The following BOC variants were observed in gnomAD, a reference collection of about 807,000 sequenced individuals.
BOC encodes the protein brother of CDO.
In BOC, 76 loss-of-function variants were observed where a neutral mutation model predicts 112.0. The observed-to-expected ratio is 0.68, with a 90% CI of 0.56 to 0.82. The LOEUF (loss-of-function observed/expected upper bound fraction) is 0.82, where lower values mean the gene tolerates loss of function less well. Ranked by LOEUF, BOC falls within the 40% of genes least tolerant of loss-of-function variation. The probability of loss-of-function intolerance (pLI) is 0.00; values close to 1 mark genes in which losing one functional copy is unlikely to be tolerated. For missense variants in BOC, 1,309 were observed against 1,511.7 expected, an observed-to-expected ratio of 0.87 and a Z score of 2.22; for synonymous variants, 580 against 599.8, an observed-to-expected ratio of 0.97 and a Z score of 0.48.
intron 8 of BOC, 85 bp downstream of exon 8, chr3:113,273,426 A>G: frequency 2.2e-6 from 3 of 1,387,704 alleles, no homozygotes; most frequent in Non-Finnish European, 1.9e-6. Context: ...GAACCCCAGT[A>G]TATAAGATAG....
chr3:113,255,184 C>T (rs1576426916), intron 4 of BOC, among the ~76,000 whole-genome samples: 1 of 152,312 alleles, frequency 6.6e-6, no homozygotes, highest in African/African-American at 2.4e-5. Context: ...TTTTGAAATG[C>T]TTTTAACTTT....
chr3:113,277,056 C>T (rs929762053), intron 9 of BOC, among the ~76,000 whole-genome samples: 2 of 152,148 alleles, frequency 1.3e-5, no homozygotes, highest in Admixed American at 6.5e-5. Context: ...CTTTAAAGAG[C>T]TAGGAATTTG....
At chr3:113,223,950 A>T (rs965956531) in intron 2 of BOC, among the ~76,000 whole-genome samples, 8 of 152,218 alleles carry the variant, frequency 5.3e-5, no homozygotes, top group African/African-American at 1.9e-4. Flanking sequence ...CCAGGCTGGT[A>T]AACTGTCAGG....
chr3:113,228,851 C>G (rs961397798), intron 2 of BOC, among the ~76,000 whole-genome samples: 3 of 152,208 alleles, frequency 2.0e-5, no homozygotes, highest in African/African-American at 7.2e-5. Context: ...AGGGTGCCTC[C>G]AAGGCCCTGA....
chr3:113,283,738 C>A, intron 16 of BOC, 106 bp downstream of exon 16: 2 of 1,092,570 alleles, frequency 1.8e-6, no homozygotes, highest in Non-Finnish European at 2.6e-6. Context: ...AAGCCCAAGT[C>A]CCCCAAAGGT....
chr3:113,247,500 GAAAA>G (rs58781225), intron 2 of BOC, among the ~76,000 whole-genome samples: 14 of 125,800 alleles, frequency 1.1e-4, no homozygotes, highest in Non-Finnish European at 1.7e-4. Flanking sequence ...GCCCTGATAG[GAAAA>G]AAAAAAAAAA....
In BOC at chr3:113,263,879, GCTTT is replaced by G. The variant is rs1434874275; in HGVS notation, c.377-4417_377-4414del. On this transcript the variant is annotated intron_variant, in intron 4 of 19. Transcript: ENST00000682979. ...CTATGTACCTTTGACAGTCTAATTT[GCTTT>G]CTGTTTTTCCCATAGCCAAAAGGGT... Among the ~76,000 whole-genome samples the G allele has an allele frequency of 2.0e-5, 3 of 152,214 alleles. No homozygotes were observed. The East Asian group carries it at 5.8e-4, about 29-fold the overall frequency.
intron 2 of BOC, among the ~76,000 whole-genome samples, chr3:113,217,101 G>A (rs896574888): frequency 6.6e-6 from 1 of 152,184 alleles, no homozygotes; most frequent in Admixed American, 6.5e-5. Flanking sequence ...TCAGGTGTGG[G>A]CTGGCAGGAA....
intron 2 of BOC, among the ~76,000 whole-genome samples, chr3:113,238,617 T>C (rs970101246): frequency 3.9e-5 from 6 of 152,236 alleles, no homozygotes; most frequent in Non-Finnish European, 8.8e-5. Flanking sequence ...TGCCATAATT[T>C]ACAGAAAGCA....
chr3:113,286,424 G>A lies in BOC; in HGVS notation c.3161-251G>A, dbSNP rs567740480. ...GGCTGCACTGACTTCATCTGCTCCTGTGGTGTGGGCTCAGTGCGGGAGTCT... is the reference window on the plus strand; with the variant it reads ...GGCTGCACTGACTTCATCTGCTCCTATGGTGTGGGCTCAGTGCGGGAGTCT... On this transcript the variant is annotated intron_variant, in intron 19 of 19. Coordinates refer to ENST00000682979, the MANE Select transcript of BOC (RefSeq NM_001378074.1). Among the ~76,000 whole-genome samples the A allele has an allele frequency of 1.3e-5, 2 of 152,320 alleles. 1 individual carries two copies. Among genetic ancestry groups the A allele is most frequent in the East Asian group, 3.9e-4 (2 of 5,192 alleles).
intron 2 of BOC, among the ~76,000 whole-genome samples, chr3:113,233,523 C>T (rs78244931): frequency 5.8e-4 from 88 of 152,286 alleles, no homozygotes; most frequent in Admixed American, 5.9e-4. Context: ...AACAGCTCCT[C>T]GCTAGTCTAT....
At chr3:113,242,581 C>T (rs1944442096) in intron 2 of BOC, among the ~76,000 whole-genome samples, 1 of 151,972 alleles carries the variant, frequency 6.6e-6, no homozygotes, top group Admixed American at 6.6e-5. Flanking sequence ...TTCTGCTTGC[C>T]TTGATGGTGA....
chr3:113,251,993 C>T (rs116535783), intron 4 of BOC: 3 of 152,282 alleles, frequency 2.0e-5, no homozygotes, highest in Admixed American at 6.5e-5. Flanking sequence ...AGTAAACAGA[C>T]GTCCTACCTT....
chr3:113,267,564 G>A (rs950850385), intron 4 of BOC, among the ~76,000 whole-genome samples: 4 of 152,132 alleles, frequency 2.6e-5, no homozygotes, highest in African/African-American at 4.8e-5. Context: ...AACCCTTAGG[G>A]TATCCAGAGT....
rs369042607 is a variant in BOC at position 113,285,394 on chromosome 3, G to C, written c.2989G>C (p.Glu997Gln). The C allele has an allele frequency of 6.2e-6, 10 of 1,613,132 alleles. No homozygotes were observed. In the African/African-American group the frequency reaches 1.2e-4, roughly 19 times the overall value. ...CAGGGGTCCCAAGTCTAGCCCGGAC[G>C]AGGGCTCTTTCTTATACACACTGCC... Reference protein sequence around the residue: ...ITRGPKSSPDEGSFLYTLPDD... With the variant: ...ITRGPKSSPDQGSFLYTLPDD... The change falls in exon 19 of 20, where the codon GAG becomes CAG. Residue 997 changes from glutamate to glutamine, a missense_variant. By Grantham distance (29) the Glu-to-Gln change is conservative (BLOSUM62 2). Transcript: ENST00000682979.
At chr3:113,266,448 C>T (rs9872436) in intron 4 of BOC, among the ~76,000 whole-genome samples, 49 of 152,308 alleles carry the variant, frequency 3.2e-4, no homozygotes, top group Non-Finnish European at 6.2e-4. Context: ...ATTGTATTTG[C>T]AAAATAGCTT....
intron 2 of BOC, among the ~76,000 whole-genome samples, chr3:113,239,526 T>A (rs1402991002): frequency 6.6e-6 from 1 of 152,250 alleles, no homozygotes; most frequent in Non-Finnish European, 1.5e-5. Context: ...CCTGCCTTCC[T>A]TATGAGTTGG....
chr3:113,250,046 T>A (rs773019597), intron 3 of BOC, 147 bp downstream of exon 3: 18 of 696,930 alleles, frequency 2.6e-5, no homozygotes, highest in Non-Finnish European at 3.9e-5. Context: ...GAACACAAGA[T>A]GAGACATGAT....
At chr3:113,263,221 C>T (rs1947085622) in intron 4 of BOC, among the ~76,000 whole-genome samples, 1 of 152,214 alleles carries the variant, frequency 6.6e-6, no homozygotes, top group Non-Finnish European at 1.5e-5. Flanking sequence ...GTCATCCTGG[C>T]AGCATTGCCA....
Sources: gnomAD v4.1 joint callset for allele counts (sites outside exome capture counted in the v4.1 genomes callset) on GRCh38, gnomAD v4.1.1 for gene constraint, MANE v1.5 for transcripts, NCBI Gene and HGNC (gene_info 2026-07-23, HGNC 2026-07-21) for gene names.